TSPAN14: variants seen among roughly 807,000 people sequenced by gnomAD.
TSPAN14 encodes the protein tetraspanin 14, also known as tetraspanin-14.
Under a neutral mutation model 36.6 loss-of-function variants are expected in TSPAN14, and 16 were observed. The observed-to-expected ratio is 0.44, with a 90% CI of 0.30 to 0.66. TSPAN14 has a LOEUF of 0.66. Ranked by LOEUF, TSPAN14 falls within the 30% of genes least tolerant of loss-of-function variation. The pLI, the probability that TSPAN14 is intolerant of heterozygous loss-of-function variation, is 0.12. For synonymous variants in TSPAN14, 139 were observed against 143.8 expected (o/e 0.97, Z 0.24); for missense variants, 231 against 355.1 (o/e 0.65, Z 2.81).
intron 2 of TSPAN14, among the ~76,000 whole-genome samples, chr10:80,504,316 T>G (rs1421151782): frequency 6.6e-6 from 1 of 152,180 alleles, no homozygotes; most frequent in Non-Finnish European, 1.5e-5. Flanking sequence ...CCTGGTCCTA[T>G]GCAGTCTCAT....
intron 5 of TSPAN14, 29 bp from the exon 6 acceptor site, chr10:80,512,115 C>T (rs1471953570): frequency 6.2e-7 from 1 of 1,613,916 alleles, no homozygotes; most frequent in Non-Finnish European, 8.5e-7. Flanking sequence ...TCTTGGAGCC[C>T]CTAACAGTTC....
chr10:80,455,575 G>C (rs113298727), intron 1 of TSPAN14, among the ~76,000 whole-genome samples: 47 of 152,226 alleles, frequency 3.1e-4, no homozygotes, highest in African/African-American at 1.1e-3. Flanking sequence ...TGCCTGCTGA[G>C]TGCTCCGGCC....
At chr10:80,466,860 A>G (rs1396361860) in intron 1 of TSPAN14, among the ~76,000 whole-genome samples, 1 of 152,228 alleles carries the variant, frequency 6.6e-6, no homozygotes, top group African/African-American at 2.4e-5. Flanking sequence ...AGTACATGGA[A>G]GATATGCATT....
At chr10:80,514,351 A>C (rs966417485) in intron 7 of TSPAN14, among the ~76,000 whole-genome samples, 26 of 152,138 alleles carry the variant, frequency 1.7e-4, no homozygotes, top group Non-Finnish European at 2.2e-4. Context: ...AGGGACAAAG[A>C]CTGCATTTTT....
chr10:80,455,751 C>T (rs151082377), intron 1 of TSPAN14, among the ~76,000 whole-genome samples: 1 of 152,194 alleles, frequency 6.6e-6, no homozygotes, highest in South Asian at 2.1e-4. Flanking sequence ...ACCATAATGG[C>T]CCTGTATGCC....
rs574108600 is a variant in TSPAN14, at chr10:80,489,000, A to G, written c.-17-217A>G. Among the ~76,000 whole-genome samples, 10 of 152,296 alleles carry G rather than the reference A, an allele frequency of 6.6e-5. No homozygotes were observed. The East Asian group carries it at 9.6e-4, about 15-fold the overall frequency. ...TTAAAAAGCATCTTTCTTCCTTTCA[A>G]AAATCTCCCTTATCCTTTCGTTTGT... On this transcript the variant is annotated intron_variant, in intron 1 of 8. Coordinates refer to ENST00000429989, the Ensembl canonical transcript of TSPAN14.
chr10:80,465,025 C>T (rs1457519378), intron 1 of TSPAN14, among the ~76,000 whole-genome samples: 1 of 152,216 alleles, frequency 6.6e-6, no homozygotes, highest in Non-Finnish European at 1.5e-5. Context: ...ATTCTAGTTT[C>T]TGCCTCTGTC....
chr10:80,477,579 A>AT (rs1217026453), intron 1 of TSPAN14, among the ~76,000 whole-genome samples: 1 of 151,620 alleles, frequency 6.6e-6, no homozygotes, highest in African/African-American at 2.4e-5. Flanking sequence ...ATGGCATGAG[A>AT]TTTTTTTGTG....
chr10:80,517,830 A>T, intron 8 of TSPAN14, 75 bp from the exon 9 acceptor site: 1 of 1,447,878 alleles, frequency 6.9e-7, no homozygotes. Flanking sequence ...GGAGCTCCCA[A>T]CCCCACCCTC....
chr10:80,520,785 C>G (rs754150251), exon 9 of TSPAN14: 1 of 533,532 alleles, frequency 1.9e-6, no homozygotes, highest in South Asian at 1.4e-5. Context: ...CTGAAAGCTG[C>G]TTATCCCAAT....
Position 80,509,684 on chromosome 10 carries a change from T to C in TSPAN14, c.450+213T>C, listed in dbSNP as rs1840506795. 1 of 575,974 alleles carries C rather than the reference T, an allele frequency of 1.7e-6. No homozygotes were observed. Among genetic ancestry groups the C allele is most frequent in the Admixed American group, 3.4e-5 (1 of 29,530 alleles). 35.7% of individuals were successfully genotyped at this position (575,974 alleles called of 1,614,324 possible). ...GTGGGCCAGCCCTTTCCCATTGGGATTGGGCAGGCAAGTCCAGCTGTACCC... is the reference window on the plus strand; with the variant it reads ...GTGGGCCAGCCCTTTCCCATTGGGACTGGGCAGGCAAGTCCAGCTGTACCC... On this transcript the variant is annotated intron_variant, in intron 5 of 8. Transcript: ENST00000429989. The surrounding 1 kb of genome is among the most constrained non-coding windows in gnomAD (Gnocchi z 4.7).
chr10:80,520,799 C>G (rs757868123), exon 9 of TSPAN14: 5 of 533,388 alleles, frequency 9.4e-6, no homozygotes, highest in Admixed American at 1.9e-5. Context: ...TCCCAATTGT[C>G]AACTCTGGCC....
exon 9 of TSPAN14, chr10:80,520,234 A>C: frequency 4.6e-6 from 1 of 219,410 alleles, no homozygotes; most frequent in Non-Finnish European, 9.2e-6. Context: ...CTATTCCTGT[A>C]GACCTGGTTT....
intron 2 of TSPAN14, among the ~76,000 whole-genome samples, chr10:80,491,497 C>T (rs1394399976): frequency 6.6e-6 from 1 of 152,208 alleles, no homozygotes; most frequent in Non-Finnish European, 1.5e-5. Flanking sequence ...GCCTCAACCT[C>T]CAACTCTCAT....
intron 1 of TSPAN14, among the ~76,000 whole-genome samples, chr10:80,465,697 C>T (rs981341143): frequency 2.0e-5 from 3 of 152,282 alleles, no homozygotes; most frequent in Middle Eastern, 3.4e-3. Context: ...AGTTAGCCTC[C>T]GGGTCTTTGG....
At chr10:80,460,040 A>G (rs1200658348) in intron 1 of TSPAN14, among the ~76,000 whole-genome samples, 1 of 152,202 alleles carries the variant, frequency 6.6e-6, no homozygotes, top group African/African-American at 2.4e-5. Flanking sequence ...GGTGAAAGAA[A>G]AACTTAATTC....
intron 6 of TSPAN14, 95 bp from the exon 7 acceptor site, chr10:80,513,924 A>T: frequency 9.5e-7 from 1 of 1,050,446 alleles, no homozygotes; most frequent in Non-Finnish European, 1.5e-6. Context: ...ATTTGCACAA[A>T]TGTTTGCTAG....
At chr10:80,493,742 C>T (rs574310339) in intron 2 of TSPAN14, among the ~76,000 whole-genome samples, 2 of 152,222 alleles carry the variant, frequency 1.3e-5, no homozygotes, top group African/African-American at 4.8e-5. Context: ...GCTAGGAGCC[C>T]GGGAAGGGAA....
At chr10:80,491,524 A>G (rs1364145908) in intron 2 of TSPAN14, among the ~76,000 whole-genome samples, 2 of 152,154 alleles carry the variant, frequency 1.3e-5, no homozygotes, top group African/African-American at 2.4e-5. Context: ...TTCTGCAGCT[A>G]GAGCAGCACT....
Sources: gnomAD v4.1 joint callset for allele counts (sites outside exome capture counted in the v4.1 genomes callset) on GRCh38, gnomAD v4.1.1 for gene constraint, Gnocchi (gnomAD v3.1) non-coding constraint, MANE v1.5 for transcripts, NCBI Gene and HGNC (gene_info 2026-07-23, HGNC 2026-07-21) for gene names.